The following CTNNA3 variants were observed in gnomAD, a reference collection of about 807,000 sequenced individuals.
CTNNA3 encodes the protein catenin alpha 3, also known as catenin alpha-3.
CTNNA3 carries 76 observed loss-of-function variants against 95.7 expected under a neutral mutation model. That is an observed-to-expected ratio of 0.79 (90% CI 0.66 to 0.96). CTNNA3 has a LOEUF of 0.96. Ranked by LOEUF, CTNNA3 falls within the 40% of genes least tolerant of loss-of-function variation. The pLI, the probability that CTNNA3 is intolerant of heterozygous loss-of-function variation, is 0.00. For synonymous variants in CTNNA3, 431 were observed against 374.4 expected, an observed-to-expected ratio of 1.15 and a Z score of -1.74; for missense variants, 1,191 against 1,089.8, an observed-to-expected ratio of 1.09 and a Z score of -1.31.
intron 11 of CTNNA3, among the ~76,000 whole-genome samples, chr10:66,431,516 A>T (rs1021384852): frequency 3.3e-5 from 5 of 152,042 alleles, no homozygotes; most frequent in African/African-American, 4.8e-5. Context: ...TCAATGATAG[A>T]CTGGATTAAG....
rs1236818077 is a variant in CTNNA3, at chr10:66,618,280, T to C, written c.1374+3412A>G. Among the ~76,000 whole-genome samples the C allele has an allele frequency of 4.6e-5, 7 of 151,980 alleles. No homozygotes were observed. In the South Asian group the frequency reaches 1.0e-3, roughly 23 times the overall value. On this transcript the variant is annotated intron_variant, in intron 10 of 17. Coordinates refer to ENST00000433211, the MANE Select transcript of CTNNA3 (RefSeq NM_013266.4). ...CAATCCTAAGCCAAAAGAACAAAGC[T>C]GGAGGCATCACGCTACCTGACTTCA...
intron 13 of CTNNA3, among the ~76,000 whole-genome samples, chr10:66,151,260 C>T (rs886722118): frequency 6.6e-6 from 1 of 151,820 alleles, no homozygotes; most frequent in South Asian, 2.1e-4. Flanking sequence ...TTACTTCTAG[C>T]TTGAAGGAAG....
chr10:66,957,331 G>A (rs1848842271), intron 7 of CTNNA3, among the ~76,000 whole-genome samples: 1 of 149,952 alleles, frequency 6.7e-6, no homozygotes, highest in African/African-American at 2.5e-5. Context: ...CAGTAGAAAT[G>A]AGAGACAAGT....
intron 3 of CTNNA3, among the ~76,000 whole-genome samples, chr10:67,576,887 T>A (rs1317788485): frequency 1.9e-5 from 2 of 107,766 alleles, no homozygotes; most frequent in Non-Finnish European, 3.3e-5. Flanking sequence ...CATGAACTCA[T>A]CTTTCTTATG....
intron 12 of CTNNA3, among the ~76,000 whole-genome samples, chr10:66,297,976 A>G (rs2091805998): frequency 6.6e-6 from 1 of 152,220 alleles, no homozygotes; most frequent in African/African-American, 2.4e-5. Flanking sequence ...AGGGACTGCC[A>G]TAACTCAGTG....
chr10:66,937,688 A>G (rs1042973750), intron 7 of CTNNA3, among the ~76,000 whole-genome samples: 2 of 152,028 alleles, frequency 1.3e-5, no homozygotes, highest in African/African-American at 4.8e-5. Context: ...TTATTGCCCT[A>G]CCCTTTCCCA....
rs141113421 is a variant in CTNNA3 at position 66,630,733 on chromosome 10, G to A, written c.1282-8949C>T. ...AGTCAGCCCTTCTCTTTCTCCTAGT[G>A]AAGCAGCGCTGCTCTGCTTCCCTTG... On this transcript the variant is annotated intron_variant, in intron 9 of 17. Transcript: ENST00000433211. 7.6e-4 allele frequency among the ~76,000 whole-genome samples: 115 copies of A among 151,312 alleles called. No individual in the cohort carries two copies. In the East Asian group the frequency reaches 0.019, roughly 25 times the overall value.
At chr10:67,549,654 C>G (rs1031425339) in intron 3 of CTNNA3, among the ~76,000 whole-genome samples, 2 of 152,096 alleles carry the variant, frequency 1.3e-5, no homozygotes, top group East Asian at 3.8e-4. Flanking sequence ...CCAAATCCAG[C>G]CTGCCCTGTT....
At chr10:67,429,701 C>T (rs1256445917) in intron 5 of CTNNA3, among the ~76,000 whole-genome samples, 2 of 151,944 alleles carry the variant, frequency 1.3e-5, no homozygotes, top group African/African-American at 4.8e-5. Context: ...TTTTTTTCTA[C>T]ATGTCGAGGC....
At chr10:67,669,500 A>G (rs1840392411) in intron 1 of CTNNA3, among the ~76,000 whole-genome samples, 3 of 152,154 alleles carry the variant, frequency 2.0e-5, no homozygotes, top group African/African-American at 7.2e-5. Flanking sequence ...GAAATGCAAA[A>G]CAAACTGGGT....
At chr10:67,464,877 GAA>G (rs912409784) in intron 5 of CTNNA3, among the ~76,000 whole-genome samples, 1 of 137,438 alleles carries the variant, frequency 7.3e-6, no homozygotes, top group African/African-American at 3.2e-5. Flanking sequence ...AAAAAAAAAA[GAA>G]AAAGAAAGTA....
chr10:66,583,548 T>C (rs1843263539), intron 10 of CTNNA3, among the ~76,000 whole-genome samples: 1 of 151,864 alleles, frequency 6.6e-6, no homozygotes. Context: ...TCATTTATAA[T>C]TAGTCTTATT....
chr10:66,951,044 GTATT>G, intron 7 of CTNNA3, among the ~76,000 whole-genome samples: 1 of 151,116 alleles, frequency 6.6e-6, no homozygotes, highest in East Asian at 2.0e-4. Context: ...TTGCTGCACT[GTATT>G]TATCACAAGG....
intron 11 of CTNNA3, among the ~76,000 whole-genome samples, chr10:66,397,317 G>A (rs970533518): frequency 1.3e-5 from 2 of 151,674 alleles, no homozygotes. Context: ...AAGGCTTAGG[G>A]AACTAAGCAA....
chr10:67,313,425 C>G (rs1022326651), intron 5 of CTNNA3, among the ~76,000 whole-genome samples: 2 of 150,038 alleles, frequency 1.3e-5, no homozygotes, highest in Non-Finnish European at 3.0e-5. Flanking sequence ...GAGCGAGAAT[C>G]CGTCTCAAAA....
At chr10:66,933,936 A>G (rs776903553) in intron 7 of CTNNA3, among the ~76,000 whole-genome samples, 3 of 152,116 alleles carry the variant, frequency 2.0e-5, no homozygotes, top group Non-Finnish European at 4.4e-5. Flanking sequence ...ATATCTAAAG[A>G]TCAGAGAGAG....
chr10:67,758,676 TA>T (rs1841447001), intron 1 of CTNNA3, among the ~76,000 whole-genome samples: 1 of 152,098 alleles, frequency 6.6e-6, no homozygotes, highest in South Asian at 2.1e-4. Flanking sequence ...AGCTTGTCCA[TA>T]GAGTTTTATA....
chr10:65,965,493 C>T (rs1027389208), intron 17 of CTNNA3, among the ~76,000 whole-genome samples: 2 of 149,144 alleles, frequency 1.3e-5, no homozygotes, highest in Non-Finnish European at 3.0e-5. Context: ...AAACTTCCAC[C>T]TCCTGGGTTC....
chr10:66,333,518 T>A lies in CTNNA3; in HGVS notation c.1732+45634A>T, dbSNP rs185723046. Among the ~76,000 whole-genome samples the A allele has an allele frequency of 7.5e-3, 1,138 of 152,250 alleles. 19 individuals are homozygous for A. The highest frequency in any genetic ancestry group is 0.015 in the Admixed American group (228 of 15,296). On this transcript the variant is annotated intron_variant, in intron 12 of 17. Transcript: ENST00000433211. ...AGTCATTCAGGAGCAGGTTGTTTAG[T>A]TTCCATGTAGTTGAGTGGTTTTGAG...
Sources: allele counts gnomAD v4.1 joint callset (sites outside exome capture counted in the v4.1 genomes callset), GRCh38; gene constraint gnomAD v4.1.1; transcripts MANE v1.5; gene names NCBI Gene and HGNC (gene_info 2026-07-23, HGNC 2026-07-21).